The following NEDD4L variants were observed in gnomAD, a reference collection of about 807,000 sequenced individuals.
The protein encoded by NEDD4L is NEDD4 like E3 ubiquitin protein ligase, also known as E3 ubiquitin-protein ligase NEDD4-like.
Under a neutral mutation model 148.9 loss-of-function variants are expected in NEDD4L, and 54 were observed. That is an observed-to-expected ratio of 0.36 (90% confidence interval 0.29 to 0.45). NEDD4L has a LOEUF of 0.45. Ranked by LOEUF, NEDD4L falls within the 20% of genes least tolerant of loss-of-function variation. NEDD4L has a pLI of 1.00. For synonymous variants in NEDD4L, 433 were observed against 440.7 expected (o/e 0.98, Z 0.22); for missense variants, 856 against 1,233.8 (o/e 0.69, Z 4.59).
At chr18:58,376,266 A>T (rs770783926) in intron 24 of NEDD4L, among the ~76,000 whole-genome samples, 1 of 152,214 alleles carries the variant, frequency 6.6e-6, no homozygotes, top group African/African-American at 2.4e-5. Flanking sequence ...CCAGATTTTC[A>T]TTAAAAACAG....
chr18:58,144,201 A>G (rs369728921), intron 1 of NEDD4L, among the ~76,000 whole-genome samples: 30 of 152,154 alleles, frequency 2.0e-4, no homozygotes, highest in African/African-American at 7.0e-4. Context: ...ATTTATAAAG[A>G]AAAGAAGTTT....
chr18:58,208,910 C>T (rs112083003), intron 2 of NEDD4L, among the ~76,000 whole-genome samples: 2,933 of 152,154 alleles, frequency 0.019, 92 homozygotes, highest in African/African-American at 0.067. Flanking sequence ...CCTGGGGTGC[C>T]TTCACTTTGG....
chr18:58,345,996 T>C (rs2043011448), intron 16 of NEDD4L, among the ~76,000 whole-genome samples: 2 of 151,422 alleles, frequency 1.3e-5, no homozygotes, highest in Non-Finnish European at 2.9e-5. Flanking sequence ...TGACCTCAAG[T>C]GATCCTGCCG....
intron 5 of NEDD4L, among the ~76,000 whole-genome samples, chr18:58,254,704 T>G (rs1470914620): frequency 6.6e-6 from 1 of 152,162 alleles, no homozygotes; most frequent in East Asian, 1.9e-4. Context: ...CATTTTCTCT[T>G]TGAAAAGGAG....
At chr18:58,274,747 A>G (rs1042635470) in intron 5 of NEDD4L, among the ~76,000 whole-genome samples, 28 of 152,374 alleles carry the variant, frequency 1.8e-4, no homozygotes, top group African/African-American at 5.3e-4. Context: ...GAATAGTTCA[A>G]TAGGAGGTTG....
chr18:58,124,107 C>T (rs969766456), intron 1 of NEDD4L, among the ~76,000 whole-genome samples: 3 of 152,156 alleles, frequency 2.0e-5, no homozygotes, highest in Non-Finnish European at 2.9e-5. Context: ...CCCTCTCCAG[C>T]GCCTGCCTTC....
chr18:58,096,351 ATTTT>A (rs1568210350), intron 1 of NEDD4L, among the ~76,000 whole-genome samples: 1 of 6,534 alleles, frequency 1.5e-4, no homozygotes, highest in Non-Finnish European at 4.1e-4. Flanking sequence ...TATTTTATTT[ATTTT>A]ATTTTATTTT....
At chr18:58,235,039 G>A (rs530852499) in intron 2 of NEDD4L, among the ~76,000 whole-genome samples, 2 of 149,030 alleles carry the variant, frequency 1.3e-5, no homozygotes, top group African/African-American at 4.9e-5. Context: ...TGGCACCGTT[G>A]TTACTCCCCC....
chr18:58,330,943 G>T, intron 11 of NEDD4L, 29 bp downstream of exon 11: 1 of 1,606,202 alleles, frequency 6.2e-7, no homozygotes. Context: ...TGAAAGAAAA[G>T]CTGAGCAATG....
intron 1 of NEDD4L, among the ~76,000 whole-genome samples, chr18:58,063,666 A>C (rs1283802757): frequency 6.7e-6 from 1 of 149,920 alleles, no homozygotes; most frequent in Non-Finnish European, 1.5e-5. Context: ...GCCGGGTTCA[A>C]GTGATTCTCC....
At chr18:58,258,922 C>T (rs2048972758) in intron 5 of NEDD4L, among the ~76,000 whole-genome samples, 3 of 152,212 alleles carry the variant, frequency 2.0e-5, no homozygotes, top group Non-Finnish European at 4.4e-5. Flanking sequence ...CGTCTACAGT[C>T]TGGCTGCTAC....
intron 1 of NEDD4L, among the ~76,000 whole-genome samples, chr18:58,093,133 A>G (rs2084181926): frequency 6.6e-6 from 1 of 152,166 alleles, no homozygotes; most frequent in African/African-American, 2.4e-5. Context: ...GGGGCTTGTA[A>G]TATGAGTGTC....
chr18:58,142,283 C>T (rs527475724), intron 1 of NEDD4L, among the ~76,000 whole-genome samples: 6 of 151,912 alleles, frequency 3.9e-5, no homozygotes, highest in South Asian at 2.1e-4. Flanking sequence ...CTTTTGACAT[C>T]GTGATCCACC....
intron 24 of NEDD4L, among the ~76,000 whole-genome samples, chr18:58,380,951 C>A (rs527974405): frequency 6.6e-6 from 1 of 152,126 alleles, no homozygotes; most frequent in Non-Finnish European, 1.5e-5. Context: ...ACTTTGTAGA[C>A]GTGCCATATA....
intron 1 of NEDD4L, among the ~76,000 whole-genome samples, chr18:58,110,456 A>T (rs2085349019): frequency 6.6e-6 from 1 of 152,198 alleles, no homozygotes; most frequent in African/African-American, 2.4e-5. Flanking sequence ...ACAACCTGTG[A>T]CTAATTAGGC....
At chr18:58,258,373 A>G (rs557498091) in intron 5 of NEDD4L, among the ~76,000 whole-genome samples, 15 of 152,358 alleles carry the variant, frequency 9.8e-5, no homozygotes, top group African/African-American at 3.4e-4. Context: ...TATATTTCCT[A>G]AAGTTTGATA....
chr18:58,225,739 A>AGGTAG, intron 2 of NEDD4L, among the ~76,000 whole-genome samples: 1 of 152,222 alleles, frequency 6.6e-6, no homozygotes, highest in Non-Finnish European at 1.5e-5. Flanking sequence ...TGGCCTGCAC[A>AGGTAG]GCCATCTGTG....
intron 5 of NEDD4L, among the ~76,000 whole-genome samples, chr18:58,265,715 C>T (rs2050119226): frequency 6.6e-6 from 1 of 151,966 alleles, no homozygotes; most frequent in African/African-American, 2.4e-5. Context: ...AGGTACATGT[C>T]AACACACGCA....
intron 2 of NEDD4L, among the ~76,000 whole-genome samples, chr18:58,194,948 C>T (rs1456738513): frequency 6.6e-6 from 1 of 152,170 alleles, no homozygotes; most frequent in Non-Finnish European, 1.5e-5. Flanking sequence ...CCAAAGGTGG[C>T]ATAGGACAAG....
Sources: allele counts gnomAD v4.1 joint callset (sites outside exome capture counted in the v4.1 genomes callset), GRCh38; gene constraint gnomAD v4.1.1; transcripts MANE v1.5; gene names NCBI Gene and HGNC (gene_info 2026-07-23, HGNC 2026-07-21).